The following DICER1 variants were observed in gnomAD, a reference collection of about 807,000 sequenced individuals.
The protein encoded by DICER1 is dicer 1, ribonuclease III.
In DICER1, 43 loss-of-function variants were observed where a neutral mutation model predicts 194.1. That is an observed-to-expected ratio of 0.22 (90% CI 0.17 to 0.29). The LOEUF (loss-of-function observed/expected upper bound fraction) is 0.29, where lower values mean the gene tolerates loss of function less well. DICER1 is among the 10% of genes least tolerant of loss of function. The probability of loss-of-function intolerance (pLI) is 1.00; values close to 1 mark genes in which losing one functional copy is unlikely to be tolerated. For synonymous variants in DICER1, 832 were observed against 820.5 expected, an observed-to-expected ratio of 1.01 and a Z score of -0.24; for missense variants, 1,608 against 2,317.0, an observed-to-expected ratio of 0.69 and a Z score of 6.28.
At chr14:95,098,001 G>A (rs1181986221) in intron 22 of DICER1, among the ~76,000 whole-genome samples, 1 of 152,024 alleles carries the variant, frequency 6.6e-6, no homozygotes, top group Non-Finnish European at 1.5e-5. Flanking sequence ...GCCAAACTGC[G>A]ATTTTTAAAA....
chr14:95,116,498 T>C lies in DICER1; in HGVS notation c.1707A>G (p.Ile569Met), dbSNP rs774765473. The change falls in exon 10 of 27, where the codon ATA becomes ATG. Residue 569 changes from isoleucine (I) to methionine (M), a missense_variant. Ile to Met is a conservative substitution (Grantham distance 10, BLOSUM62 1). Transcript: ENST00000343455. ...NYIMLADTDK[I>M]KSFEEDLKTY... The stretch of plus-strand genomic sequence containing the variant: ...TTTTAAGGTCTTCTTCAAAACTTTT[T>C]ATTTTGTCTGTATCCGCTAACATTA... 1.9e-6 allele frequency: 3 copies of C among 1,613,676 alleles called. No homozygotes were observed. The highest frequency in any genetic ancestry group is 2.5e-6 in the Non-Finnish European group (3 of 1,179,920).
intron 22 of DICER1, among the ~76,000 whole-genome samples, chr14:95,097,466 A>C (rs936698789): frequency 1.3e-5 from 2 of 152,332 alleles, no homozygotes; most frequent in African/African-American, 4.8e-5. Context: ...AACATGAAAC[A>C]CAACAATCCA....
chr14:95,154,827 A>C (rs1173852282), intron 1 of DICER1, among the ~76,000 whole-genome samples: 1 of 152,034 alleles, frequency 6.6e-6, no homozygotes, highest in Non-Finnish European at 1.5e-5. Flanking sequence ...TTGTACACTT[A>C]AAATGGTTCA....
At chr14:95,128,982 C>G (rs910481135) in intron 6 of DICER1, 4 of 154,012 alleles carry the variant, frequency 2.6e-5, no homozygotes, top group African/African-American at 9.8e-5. Flanking sequence ...AATAGTAACC[C>G]TCTCAAAAAG....
rs1411663953 is a variant in DICER1, at chr14:95,148,060, A to C, written c.-46+9170T>G. On this transcript the variant is annotated intron_variant, in intron 1 of 26. Transcript: ENST00000343455. The stretch of plus-strand genomic sequence containing the variant: ...TAAAAATAAGTAAATTAATTAGGTA[A>C]AGGATATTACAAAGATCCAGATGAA... Among the ~76,000 whole-genome samples, 8 of 152,208 alleles carry C rather than the reference A, an allele frequency of 5.3e-5. No homozygotes were observed. The South Asian group carries it at 1.5e-3, about 28-fold the overall frequency.
intron 8 of DICER1, among the ~76,000 whole-genome samples, chr14:95,122,894 A>C (rs10137733): frequency 5.9e-5 from 9 of 152,164 alleles, no homozygotes; most frequent in Admixed American, 2.6e-4. Context: ...TAAAACCCCT[A>C]AACATTCAGA....
chr14:95,132,404 A>G (rs1894024323), intron 3 of DICER1, 111 bp downstream of exon 3: 5 of 1,171,138 alleles, frequency 4.3e-6, no homozygotes. Flanking sequence ...TGAGTACATT[A>G]TCTGTCAAAC....
intron 6 of DICER1, 114 bp from the exon 7 acceptor site, chr14:95,126,862 A>AG (rs1442156453): frequency 1.4e-6 from 1 of 706,858 alleles, no homozygotes; most frequent in East Asian, 2.6e-5. Flanking sequence ...AAAAAAAAAA[A>AG]AATGCCAGAA....
rs1595371322 is a variant in DICER1, at chr14:95,105,244, T to G, written c.3096A>C (p.Ile1032=). 6.2e-7 allele frequency: 1 copy of G among 1,613,062 alleles called. No individual in the cohort carries two copies. Among genetic ancestry groups the G allele is most frequent in the South Asian group, 1.1e-5 (1 of 91,048 alleles). ...GTATAGCACAGAGTTCTGGAACCAGTATCTTCAAGTAAGGGGAAAAATGGA... is the reference window on the plus strand; with the variant it reads ...GTATAGCACAGAGTTCTGGAACCAGGATCTTCAAGTAAGGGGAAAAATGGA... The part of the protein sequence containing the change: ...AKWESLQNKQ[I]LVPELCAIHP... Residue 1032 remains isoleucine (I), a splice_region_variant and synonymous_variant, in exon 20 of 27, where the codon ATA becomes ATC. Coordinates refer to ENST00000343455, the MANE Select transcript of DICER1 (RefSeq NM_177438.3). The surrounding 1 kb of genome is among the most constrained non-coding windows in gnomAD (Gnocchi z 4.9).
chr14:95,100,618 T>G (rs974551860), intron 21 of DICER1, among the ~76,000 whole-genome samples: 5 of 152,256 alleles, frequency 3.3e-5, no homozygotes, highest in African/African-American at 4.8e-5. Context: ...TCCTAATGCC[T>G]CTATCTCCTT....
chr14:95,129,376 A>C lies in DICER1; in HGVS notation c.734+96T>G, dbSNP rs1893749169. ...CCTTTTTACTGCCATTTGTTCACTT[A>C]AATAGGTACTCTCTGCAAGGTACTA... On this transcript the variant is annotated intron_variant, in intron 6 of 26. Transcript: ENST00000343455. 6 of 1,177,224 alleles carry C rather than the reference A, an allele frequency of 5.1e-6. No individual in the cohort carries two copies. The South Asian group carries it at 7.4e-5, about 15-fold the overall frequency. 72.9% of individuals were successfully genotyped at this position (1,177,224 alleles called of 1,614,324 possible).
intron 2 of DICER1, 48 bp downstream of exon 2, chr14:95,133,267 A>G: frequency 6.2e-7 from 1 of 1,600,466 alleles, no homozygotes; most frequent in Non-Finnish European, 8.6e-7. Context: ...ATGCTAATGT[A>G]TTCCATTTTA....
At chr14:95,112,945 T>C in intron 12 of DICER1, 147 bp downstream of exon 12, 1 of 807,184 alleles carries the variant, frequency 1.2e-6, no homozygotes, top group Non-Finnish European at 2.0e-6. Flanking sequence ...TTTATTTTTA[T>C]TTTTGGTCTG....
intron 1 of DICER1, among the ~76,000 whole-genome samples, chr14:95,152,639 T>G (rs1027826467): frequency 6.6e-6 from 1 of 152,248 alleles, no homozygotes; most frequent in Non-Finnish European, 1.5e-5. Flanking sequence ...ACAGTCTTAC[T>G]GACATCCTCA....
At chr14:95,104,955 T>A (rs951529533) in intron 20 of DICER1, 116 bp downstream of exon 20, 13 of 1,027,632 alleles carry the variant, frequency 1.3e-5, no homozygotes. Flanking sequence ...AAGATATCCA[T>A]TATTTTCTTT....
intron 2 of DICER1, among the ~76,000 whole-genome samples, chr14:95,132,981 C>T (rs1416574523): frequency 6.6e-6 from 1 of 152,148 alleles, no homozygotes; most frequent in African/African-American, 2.4e-5. Context: ...TTAGAGTAAT[C>T]GTGGTTCTGC....
At chr14:95,153,728 CTATTA>C (rs1678418225) in intron 1 of DICER1, among the ~76,000 whole-genome samples, 1 of 152,130 alleles carries the variant, frequency 6.6e-6, no homozygotes, top group Admixed American at 6.5e-5. Flanking sequence ...TAATACTTTC[CTATTA>C]TAAGACCATT....
chr14:95,090,003 G>A lies in DICER1; in HGVS notation c.*495C>T. 1 of 278,552 alleles carries A rather than the reference G, an allele frequency of 3.6e-6. No homozygotes were observed. Among genetic ancestry groups the A allele is most frequent in the Non-Finnish European group, 6.9e-6 (1 of 145,748 alleles). 17.3% of individuals were successfully genotyped at this position (278,552 alleles called of 1,614,324 possible). ...AACGTGGAAAGAAAAGACAACATTGGCGCACTTCTCCTCTCGAAAACCTTA... is the reference window on the plus strand; with the variant it reads ...AACGTGGAAAGAAAAGACAACATTGACGCACTTCTCCTCTCGAAAACCTTA... On this transcript the variant is annotated 3_prime_UTR_variant, in exon 27 of 27. Coordinates refer to ENST00000343455, the MANE Select transcript of DICER1 (RefSeq NM_177438.3).
chr14:95,122,806 T>C (rs766188646), intron 8 of DICER1, among the ~76,000 whole-genome samples: 2 of 152,196 alleles, frequency 1.3e-5, no homozygotes, highest in Non-Finnish European at 2.9e-5. Context: ...TCAGGCTCAA[T>C]GACTATGAAA....
Sources: gnomAD v4.1 joint callset for allele counts (sites outside exome capture counted in the v4.1 genomes callset) on GRCh38, gnomAD v4.1.1 for gene constraint, Gnocchi (gnomAD v3.1) non-coding constraint, MANE v1.5 for transcripts, NCBI Gene and HGNC (gene_info 2026-07-23, HGNC 2026-07-21) for gene names.